Variants in ZBTB7C observed in about 807,000 individuals in gnomAD.
ZBTB7C encodes the protein zinc finger and BTB domain containing 7C.
In ZBTB7C, 8 loss-of-function variants were observed where a neutral mutation model predicts 25.7. The observed-to-expected ratio is 0.31, with a 90% CI of 0.18 to 0.56. ZBTB7C has a LOEUF of 0.56. ZBTB7C is among the 20% of genes least tolerant of loss of function. ZBTB7C has a pLI of 0.91. For missense variants in ZBTB7C, 824 were observed against 855.2 expected, an observed-to-expected ratio of 0.96 and a Z score of 0.46; for synonymous variants, 394 against 369.0, an observed-to-expected ratio of 1.07 and a Z score of -0.78.
intron 2 of ZBTB7C, among the ~76,000 whole-genome samples, chr18:48,226,672 C>A (rs985207822): frequency 1.3e-5 from 2 of 152,206 alleles, no homozygotes; most frequent in Non-Finnish European, 2.9e-5. Flanking sequence ...TCACTGACAG[C>A]ATGACTCTCT....
intron 3 of ZBTB7C, among the ~76,000 whole-genome samples, chr18:48,046,196 A>G (rs912822847): frequency 7.2e-5 from 11 of 152,270 alleles, no homozygotes; most frequent in African/African-American, 2.2e-4. Flanking sequence ...AATAGATAAT[A>G]ATCCAGTGAC....
chr18:48,040,472 C>T lies in ZBTB7C; in HGVS notation c.636G>A (p.Gln212=), dbSNP rs200633988. 2.8e-5 allele frequency: 45 copies of T among 1,609,268 alleles called. No homozygotes were observed. The highest frequency in any genetic ancestry group is 3.3e-5 in the Admixed American group (2 of 59,724). The change falls in exon 4 of 5, where the codon CAG becomes CAA. Residue 212 remains glutamine, a synonymous_variant. Coordinates refer to ENST00000590800, the MANE Select transcript of ZBTB7C (RefSeq NM_001318841.2). ...CCCCCAGATGGCCAGGACTGCCAGC[C>T]TGGAAGGAGTCAGGGAAGTCCCTGG... ...DTPRDFPDSF[Q]AGSPGHLGVI...
intron 2 of ZBTB7C, among the ~76,000 whole-genome samples, chr18:48,224,462 C>T (rs563109673): frequency 6.6e-6 from 1 of 152,318 alleles, no homozygotes; most frequent in African/African-American, 2.4e-5. Context: ...AGAGTTCCCT[C>T]CACTGAGGGA....
At chr18:48,103,460 A>G (rs1157358158) in intron 3 of ZBTB7C, among the ~76,000 whole-genome samples, 1 of 152,190 alleles carries the variant, frequency 6.6e-6, no homozygotes, top group Non-Finnish European at 1.5e-5. Context: ...CATGGGTTTG[A>G]ATCCATCCCC....
intron 3 of ZBTB7C, among the ~76,000 whole-genome samples, chr18:48,055,211 A>G (rs112812607): frequency 0.11 from 16,480 of 151,484 alleles, 930 homozygotes; most frequent in East Asian, 0.18. Context: ...GGAGTTCAAG[A>G]CCAGCCTGGC....
intron 3 of ZBTB7C, among the ~76,000 whole-genome samples, chr18:48,102,619 CAG>C: frequency 6.9e-6 from 1 of 145,350 alleles, no homozygotes; most frequent in East Asian, 2.0e-4. Flanking sequence ...AGAAAGTAGA[CAG>C]GGCATGCTGA....
At chr18:48,346,198 A>G (rs921776543) in intron 1 of ZBTB7C, among the ~76,000 whole-genome samples, 1 of 152,156 alleles carries the variant, frequency 6.6e-6, no homozygotes, top group African/African-American at 2.4e-5. Context: ...AAATGTGTGT[A>G]CTTTCTGCCC....
At chr18:48,258,728 G>A (rs1568335404) in intron 2 of ZBTB7C, among the ~76,000 whole-genome samples, 1 of 152,042 alleles carries the variant, frequency 6.6e-6, no homozygotes, top group Non-Finnish European at 1.5e-5. Flanking sequence ...CATGATCTTG[G>A]CTCACTGCAA....
At chr18:48,049,839 T>C (rs1322649281) in intron 3 of ZBTB7C, among the ~76,000 whole-genome samples, 1 of 152,188 alleles carries the variant, frequency 6.6e-6, no homozygotes, top group Non-Finnish European at 1.5e-5. Context: ...CCCTGAATCC[T>C]GCTCAGCTCA....
intron 3 of ZBTB7C, among the ~76,000 whole-genome samples, chr18:48,107,948 T>C (rs2039092154): frequency 6.6e-6 from 1 of 152,140 alleles, no homozygotes. Flanking sequence ...TTCCCAGGGA[T>C]TGATTTTATG....
chr18:48,352,679 C>T (rs1042523166), intron 1 of ZBTB7C, among the ~76,000 whole-genome samples: 1 of 152,156 alleles, frequency 6.6e-6, no homozygotes, highest in Non-Finnish European at 1.5e-5. Context: ...TGAAAGTATG[C>T]CTCAAGGGCA....
At chr18:48,099,162 G>C (rs2038744834) in intron 3 of ZBTB7C, among the ~76,000 whole-genome samples, 1 of 152,210 alleles carries the variant, frequency 6.6e-6, no homozygotes, top group Non-Finnish European at 1.5e-5. Context: ...GTTGTCCTCT[G>C]CAAAGAACTG....
At chr18:48,215,962 A>G (rs62088887) in intron 2 of ZBTB7C, among the ~76,000 whole-genome samples, 2 of 152,198 alleles carry the variant, frequency 1.3e-5, no homozygotes, top group African/African-American at 2.4e-5. Flanking sequence ...GGTACAAAAG[A>G]GTTTGTCTTG....
intron 2 of ZBTB7C, among the ~76,000 whole-genome samples, chr18:48,191,128 C>T (rs192240726): frequency 1.2e-4 from 19 of 152,282 alleles, no homozygotes; most frequent in Non-Finnish European, 2.1e-4. Flanking sequence ...CTGCACACAC[C>T]CACCTTGCAG....
chr18:48,048,046 A>T (rs2036542239), intron 3 of ZBTB7C, among the ~76,000 whole-genome samples: 1 of 151,924 alleles, frequency 6.6e-6, no homozygotes, highest in East Asian at 1.9e-4. Context: ...GGGCAGGGGG[A>T]TTTGGACCCT....
chr18:48,120,800 G>T (rs1161130124), intron 3 of ZBTB7C, among the ~76,000 whole-genome samples: 1 of 152,198 alleles, frequency 6.6e-6, no homozygotes, highest in African/African-American at 2.4e-5. Flanking sequence ...TAAATGAAGC[G>T]GCTCCTTTGG....
At chr18:48,043,292 T>A (rs182531273) in intron 3 of ZBTB7C, among the ~76,000 whole-genome samples, 23 of 152,346 alleles carry the variant, frequency 1.5e-4, no homozygotes, top group African/African-American at 5.5e-4. Flanking sequence ...ACACAAATGT[T>A]CATGGTCACT....
rs1003040147 is a variant in ZBTB7C at position 48,274,149 on chromosome 18, T to A, written c.-79+64025A>T. On this transcript the variant is annotated intron_variant, in intron 2 of 4. Coordinates refer to ENST00000590800, the MANE Select transcript of ZBTB7C (RefSeq NM_001318841.2). The stretch of plus-strand genomic sequence containing the variant: ...TTACACAAGATTATGTGTGATGGAA[T>A]TGGGCCAAGCACTAGTCTTTTAGGA... Among the ~76,000 whole-genome samples the A allele has an allele frequency of 1.1e-4, 17 of 152,214 alleles. 1 individual carries two copies. The highest frequency in any genetic ancestry group is 4.1e-4 in the African/African-American group (17 of 41,450).
At chr18:48,234,439 A>AT (rs1284603288) in intron 2 of ZBTB7C, among the ~76,000 whole-genome samples, 1 of 152,244 alleles carries the variant, frequency 6.6e-6, no homozygotes, top group Non-Finnish European at 1.5e-5. Flanking sequence ...CCCCAGAAGA[A>AT]GAAACTTCTG....
Sources: gnomAD v4.1 joint callset for allele counts (sites outside exome capture counted in the v4.1 genomes callset) on GRCh38, gnomAD v4.1.1 for gene constraint, MANE v1.5 for transcripts, NCBI Gene and HGNC (gene_info 2026-07-23, HGNC 2026-07-21) for gene names.